TLL1: variants seen among roughly 807,000 people sequenced by gnomAD.
TLL1 encodes tolloid-like protein 1.
TLL1 carries 49 observed loss-of-function variants against 128.2 expected under a neutral mutation model. The observed-to-expected ratio is 0.38, with a 90% confidence interval of 0.30 to 0.48. TLL1 has a LOEUF of 0.48. Ranked by LOEUF, TLL1 falls within the 20% of genes least tolerant of loss-of-function variation. The pLI, the probability that TLL1 is intolerant of heterozygous loss-of-function variation, is 0.96. For missense variants in TLL1, 1,123 were observed against 1,242.0 expected (o/e 0.90, Z 1.44); for synonymous variants, 454 against 418.8 (o/e 1.08, Z -1.03).
intron 5 of TLL1, among the ~76,000 whole-genome samples, chr4:166,003,054 T>C (rs1737242185): frequency 6.6e-6 from 1 of 152,190 alleles, no homozygotes; most frequent in African/African-American, 2.4e-5. Context: ...ACTATATGTC[T>C]TAGAAATACA....
chr4:166,057,192 G>A lies in TLL1; in HGVS notation c.1729G>A (p.Glu577Lys), dbSNP rs1171247703. 6.2e-7 allele frequency: 1 copy of A among 1,613,708 alleles called. No homozygotes were observed. Among genetic ancestry groups the A allele is most frequent in the Admixed American group, 1.7e-5 (1 of 59,968 alleles). ...TATGACCATTTTCATAGAGGAAGAT[G>A]AGTGTGCCAAACCTGACCGTGGAGG... ...FAANFFKEED[E>K]CAKPDRGGCE... Residue 577 changes from glutamate (E) to lysine (K), a missense_variant, in exon 14 of 21, where the codon GAG becomes AAG. Coordinates refer to ENST00000061240, the MANE Select transcript of TLL1 (RefSeq NM_012464.5).
intron 18 of TLL1, among the ~76,000 whole-genome samples, chr4:166,081,377 G>T (rs949067468): frequency 1.3e-5 from 2 of 152,118 alleles, no homozygotes; most frequent in Non-Finnish European, 2.9e-5. Flanking sequence ...TTTTCTCATG[G>T]CAGTGACCAC....
At chr4:166,083,084 C>T (rs555111436) in intron 18 of TLL1, among the ~76,000 whole-genome samples, 30 of 152,122 alleles carry the variant, frequency 2.0e-4, no homozygotes, top group Non-Finnish European at 2.9e-4. Flanking sequence ...CTGATAGATA[C>T]TTGGTTACCA....
chr4:165,889,452 G>A (rs995325435), intron 1 of TLL1, among the ~76,000 whole-genome samples: 2 of 152,096 alleles, frequency 1.3e-5, no homozygotes, highest in Non-Finnish European at 2.9e-5. Flanking sequence ...AAAAATTTTT[G>A]TACCTTTCAC....
chr4:166,016,685 A>G (rs1283109969), intron 8 of TLL1, among the ~76,000 whole-genome samples: 10 of 152,062 alleles, frequency 6.6e-5, no homozygotes, highest in Admixed American at 4.6e-4. Context: ...AGAAAGCACT[A>G]TGATCTGGGA....
At chr4:166,002,056 G>A (rs1281251798) in intron 5 of TLL1, among the ~76,000 whole-genome samples, 1 of 152,030 alleles carries the variant, frequency 6.6e-6, no homozygotes. Context: ...ATAACAAAAT[G>A]TCATAGACTG....
Position 166,057,253 on chromosome 4 carries a change from A to G in TLL1, c.1790A>G (p.Tyr597Cys). Residue 597 changes from tyrosine to cysteine, a missense_variant, in exon 14 of 21, where the codon TAC becomes TGC. Tyr to Cys is a radical substitution (Grantham distance 194, BLOSUM62 -2). Transcript: ENST00000061240. ...EQRCLNTLGS[Y>C]QCACEPGYEL... ...CGATGTCTGAACACTCTGGGCAGTT[A>G]CCAGTGTGCCTGTGAGCCTGGCTAT... The G allele has an allele frequency of 6.2e-7, 1 of 1,613,982 alleles. No individual in the cohort carries two copies. The highest frequency in any genetic ancestry group is 8.5e-7 in the Non-Finnish European group (1 of 1,179,966).
intron 1 of TLL1, among the ~76,000 whole-genome samples, chr4:165,970,772 G>A (rs114853938): frequency 0.011 from 1,642 of 152,210 alleles, 31 homozygotes; most frequent in African/African-American, 0.037. Context: ...GCATTTTAAG[G>A]ACTGTTGGAA....
chr4:166,007,162 A>G (rs1275595945), intron 6 of TLL1, among the ~76,000 whole-genome samples: 1 of 151,706 alleles, frequency 6.6e-6, no homozygotes, highest in Non-Finnish European at 1.5e-5. Flanking sequence ...CTGTTTTAAG[A>G]AATGTGTCTT....
At chr4:166,027,514 A>C (rs1355984785) in intron 9 of TLL1, among the ~76,000 whole-genome samples, 1 of 152,218 alleles carries the variant, frequency 6.6e-6, no homozygotes, top group African/African-American at 2.4e-5. Context: ...TAGGTGCAAA[A>C]AGTTACAACT....
At chr4:165,932,978 T>A (rs1733597013) in intron 1 of TLL1, among the ~76,000 whole-genome samples, 1 of 152,210 alleles carries the variant, frequency 6.6e-6, no homozygotes, top group Non-Finnish European at 1.5e-5. Context: ...ATTTACAGCT[T>A]CCGATTAGAA....
At chr4:166,010,553 T>G (rs565337685) in intron 7 of TLL1, among the ~76,000 whole-genome samples, 1 of 150,686 alleles carries the variant, frequency 6.6e-6, no homozygotes, top group East Asian at 1.9e-4. Flanking sequence ...TATATGTATA[T>G]ATATAAATAT....
At chr4:166,073,013 A>G (rs1740860398) in intron 16 of TLL1, among the ~76,000 whole-genome samples, 1 of 152,148 alleles carries the variant, frequency 6.6e-6, no homozygotes, top group Non-Finnish European at 1.5e-5. Context: ...CGGGTCTTAT[A>G]TTAAGTATAC....
intron 11 of TLL1, 64 bp from the exon 12 acceptor site, chr4:166,043,210 A>AGAAAAT: frequency 1.2e-6 from 2 of 1,610,014 alleles, no homozygotes; most frequent in Non-Finnish European, 8.5e-7. Context: ...TTACCCTAGA[A>AGAAAAT]GAAAATGAAA....
At chr4:165,956,041 A>C (rs371041712) in intron 1 of TLL1, among the ~76,000 whole-genome samples, 14 of 152,096 alleles carry the variant, frequency 9.2e-5, no homozygotes, top group African/African-American at 3.1e-4. Flanking sequence ...GGTGTAAAAC[A>C]GGGAGTAGAT....
chr4:166,059,997 G>C (rs1235870628), intron 14 of TLL1, 31 bp from the exon 15 acceptor site: 2 of 1,612,344 alleles, frequency 1.2e-6, no homozygotes, highest in East Asian at 2.2e-5. Context: ...TTCATGGGGA[G>C]AATATACCTT....
At chr4:165,935,774 C>A (rs1043614373) in intron 1 of TLL1, among the ~76,000 whole-genome samples, 6 of 152,172 alleles carry the variant, frequency 3.9e-5, no homozygotes, top group African/African-American at 1.4e-4. Flanking sequence ...TCTACAGGTT[C>A]TTCTTCAATC....
intron 1 of TLL1, among the ~76,000 whole-genome samples, chr4:165,946,667 A>G (rs190566873): frequency 4.3e-4 from 66 of 152,194 alleles, no homozygotes; most frequent in African/African-American, 1.5e-3. Flanking sequence ...TTAAGGCAGT[A>G]ATAAAAACAA....
intron 1 of TLL1, among the ~76,000 whole-genome samples, chr4:165,972,375 T>C (rs749988097): frequency 6.6e-6 from 1 of 152,234 alleles, no homozygotes; most frequent in Non-Finnish European, 1.5e-5. Flanking sequence ...AATATCATTA[T>C]CATATATTCT....
Sources: gnomAD v4.1 joint callset for allele counts (sites outside exome capture counted in the v4.1 genomes callset) on GRCh38, gnomAD v4.1.1 for gene constraint, MANE v1.5 for transcripts, NCBI Gene and HGNC (gene_info 2026-07-23, HGNC 2026-07-21) for gene names.